The following PACSIN2 variants were observed in gnomAD, a reference collection of about 807,000 sequenced individuals.
PACSIN2 encodes protein kinase C and casein kinase substrate in neurons 2.
Under a neutral mutation model 63.8 loss-of-function variants are expected in PACSIN2, and 25 were observed. That is an observed-to-expected ratio of 0.39 (90% CI 0.29 to 0.55). PACSIN2 has a LOEUF of 0.55. Among genes scored for constraint, PACSIN2 ranks in the 20% least tolerant of loss-of-function variants. The pLI, the probability that PACSIN2 is intolerant of heterozygous loss-of-function variation, is 0.62. For missense variants in PACSIN2, 518 were observed against 646.9 expected, an observed-to-expected ratio of 0.80 and a Z score of 2.16; for synonymous variants, 255 against 256.2, an observed-to-expected ratio of 1.00 and a Z score of 0.05.
At chr22:43,014,349 C>CACAG (rs1555951535) in intron 1 of PACSIN2, among the ~76,000 whole-genome samples, 4 of 24,900 alleles carry the variant, frequency 1.6e-4, no homozygotes, top group African/African-American at 4.5e-4. Context: ...CACACACACA[C>CACAG]ACAGACACAC....
chr22:42,891,179 G>A lies in PACSIN2; in HGVS notation c.221C>T (p.Pro74Leu), dbSNP rs763776178. 4 of 1,612,020 alleles carry A rather than the reference G, an allele frequency of 2.5e-6. No individual in the cohort carries two copies. Among genetic ancestry groups the A allele is most frequent in the Admixed American group, 1.7e-5 (1 of 60,012 alleles). The change falls in exon 4 of 11, where the codon CCC (proline) becomes CTC (leucine). Residue 74 changes from proline (P) to leucine (L), a missense_variant. Physicochemically the swap from Pro to Leu is moderately conservative, Grantham distance 98. Coordinates refer to ENST00000263246, the MANE Select transcript of PACSIN2 (RefSeq NM_001184970.3). ...GGCCTTCTCCACGGTCCCGTACTGG[G>A]GCCCTGTGCAGGGGAGAGAAGCTGC... ...RRWRQLVEKG[P>L]QYGTVEKAWM...
At chr22:42,947,624 TAGA>T (rs1379484246) in intron 1 of PACSIN2, among the ~76,000 whole-genome samples, 2 of 139,354 alleles carry the variant, frequency 1.4e-5, no homozygotes, top group East Asian at 2.3e-4. Flanking sequence ...TGCACAAATC[TAGA>T]AGGTCTCTGA....
intron 1 of PACSIN2, among the ~76,000 whole-genome samples, chr22:42,949,504 A>C (rs992437140): frequency 6.6e-6 from 1 of 152,190 alleles, no homozygotes; most frequent in Admixed American, 6.5e-5. Flanking sequence ...TAGCTGCCTA[A>C]TAAACATTTC....
chr22:42,904,289 G>A (rs377107463), intron 2 of PACSIN2, among the ~76,000 whole-genome samples: 54 of 152,172 alleles, frequency 3.5e-4, no homozygotes, highest in African/African-American at 1.2e-3. Context: ...AGCATATGCC[G>A]CCCTGTGTGC....
intron 1 of PACSIN2, among the ~76,000 whole-genome samples, chr22:42,993,963 T>C (rs530049035): frequency 3.3e-5 from 5 of 152,216 alleles, no homozygotes; most frequent in Non-Finnish European, 5.9e-5. Flanking sequence ...CAAGCCACAG[T>C]ATCTGTGGTT....
chr22:42,876,090 G>T, intron 10 of PACSIN2, 47 bp downstream of exon 10: 2 of 1,527,016 alleles, frequency 1.3e-6, no homozygotes, highest in Non-Finnish European at 1.8e-6. Context: ...CCCACAGCCT[G>T]CAGGTTGGAA....
intron 8 of PACSIN2, among the ~76,000 whole-genome samples, chr22:42,878,733 C>T (rs1928836716): frequency 6.6e-6 from 1 of 152,220 alleles, no homozygotes; most frequent in Admixed American, 6.5e-5. Flanking sequence ...TCCCTGGGGA[C>T]ATGAATGCCA....
intron 1 of PACSIN2, among the ~76,000 whole-genome samples, chr22:42,958,259 C>T (rs1933996231): frequency 6.6e-6 from 1 of 151,876 alleles, no homozygotes; most frequent in African/African-American, 2.4e-5. Context: ...CTCTGGATCC[C>T]AATTCCTTTG....
At chr22:42,876,383 T>C (rs774155692) in intron 9 of PACSIN2, 50 bp from the exon 10 acceptor site, 2 of 1,530,398 alleles carry the variant, frequency 1.3e-6, no homozygotes, top group African/African-American at 2.7e-5. Context: ...CGGCAGAGGG[T>C]GTGAGGCCCC....
At chr22:42,914,436 T>C (rs966136619) in intron 1 of PACSIN2, among the ~76,000 whole-genome samples, 1 of 152,184 alleles carries the variant, frequency 6.6e-6, no homozygotes, top group African/African-American at 2.4e-5. Context: ...GTTTCCACCA[T>C]GTTGGCCAGG....
chr22:42,950,910 G>A (rs1475803737), intron 1 of PACSIN2, among the ~76,000 whole-genome samples: 1 of 152,166 alleles, frequency 6.6e-6, no homozygotes, highest in Non-Finnish European at 1.5e-5. Context: ...AGCCACACCA[G>A]TAGGTAATGT....
intron 1 of PACSIN2, among the ~76,000 whole-genome samples, chr22:42,957,444 A>T (rs1933960697): frequency 1.3e-5 from 2 of 152,200 alleles, no homozygotes; most frequent in African/African-American, 4.8e-5. Flanking sequence ...CTTTGGACAG[A>T]CAGTGATGGC....
At chr22:42,903,161 C>G (rs1026348183) in intron 2 of PACSIN2, among the ~76,000 whole-genome samples, 3 of 152,198 alleles carry the variant, frequency 2.0e-5, no homozygotes, top group Admixed American at 2.0e-4. Flanking sequence ...TAAGCCAACC[C>G]ACGTCCCAGG....
chr22:43,006,598 T>A (rs931163188), intron 1 of PACSIN2, among the ~76,000 whole-genome samples: 1 of 152,150 alleles, frequency 6.6e-6, no homozygotes, highest in African/African-American at 2.4e-5. Flanking sequence ...GCGGGCCGTT[T>A]GAGGTCAGGA....
intron 1 of PACSIN2, among the ~76,000 whole-genome samples, chr22:42,942,349 A>C (rs1308365650): frequency 6.6e-6 from 1 of 152,132 alleles, no homozygotes; most frequent in African/African-American, 2.4e-5. Context: ...CTGAAGCACA[A>C]AAGTTCTTAA....
chr22:42,892,065 C>A (rs911961860), intron 3 of PACSIN2, among the ~76,000 whole-genome samples: 12 of 152,316 alleles, frequency 7.9e-5, no homozygotes, highest in African/African-American at 2.9e-4. Flanking sequence ...GAAGCAGGAG[C>A]CTGCTCTGGA....
At chr22:42,897,463 G>A (rs1044850402) in intron 2 of PACSIN2, among the ~76,000 whole-genome samples, 1 of 152,164 alleles carries the variant, frequency 6.6e-6, no homozygotes, top group Non-Finnish European at 1.5e-5. Flanking sequence ...GAAAACTTTA[G>A]GTAGAAACTG....
chr22:42,937,777 G>A (rs1932975306), intron 1 of PACSIN2, among the ~76,000 whole-genome samples: 1 of 152,234 alleles, frequency 6.6e-6, no homozygotes, highest in African/African-American at 2.4e-5. Context: ...TGGCACCCAT[G>A]CAGCTCCGAG....
chr22:42,982,888 A>AAAAAAAAAAAAAAAC (rs759532303), intron 1 of PACSIN2, among the ~76,000 whole-genome samples: 82 of 105,098 alleles, frequency 7.8e-4, no homozygotes, highest in Admixed American at 1.7e-3. Flanking sequence ...AAAAAAAAAA[A>AAAAAAAAAAAAAAAC]AACAACAACA....
Sources: gnomAD v4.1 joint callset for allele counts (sites outside exome capture counted in the v4.1 genomes callset) on GRCh38, gnomAD v4.1.1 for gene constraint, MANE v1.5 for transcripts, NCBI Gene and HGNC (gene_info 2026-07-23, HGNC 2026-07-21) for gene names.